C16orf46: variants seen among roughly 807,000 people sequenced by gnomAD.
The protein encoded by C16orf46 is chromosome 16 open reading frame 46.
Under a neutral mutation model 5.5 loss-of-function variants are expected in C16orf46, and 7 were observed. The observed-to-expected ratio is 1.28, with a 90% CI of 0.73 to 2.40. C16orf46 has a LOEUF of 2.40. C16orf46 is among the 30% of genes most tolerant of loss of function. C16orf46 has a pLI of 0.00. For synonymous variants in C16orf46, 200 were observed against 184.1 expected, an observed-to-expected ratio of 1.09 and a Z score of -0.70; for missense variants, 614 against 476.0, an observed-to-expected ratio of 1.29 and a Z score of -2.70.
chr16:81,063,268 A>C (rs865846911), intron 3 of C16orf46, among the ~76,000 whole-genome samples: 30 of 143,520 alleles, frequency 2.1e-4, no homozygotes, highest in Non-Finnish European at 2.8e-4. Context: ...AAAAAAAAAA[A>C]CCCACAGAGT....
intron 2 of C16orf46, 51 bp from the exon 3 acceptor site, chr16:81,064,044 A>T: frequency 9.7e-7 from 1 of 1,027,004 alleles, no homozygotes; most frequent in Non-Finnish European, 1.4e-6. Flanking sequence ...TTTTTTTTTA[A>T]AAAAAGCAAT....
At chr16:81,070,408 C>G (rs986428188) in intron 1 of C16orf46, among the ~76,000 whole-genome samples, 2 of 152,114 alleles carry the variant, frequency 1.3e-5, no homozygotes, top group Non-Finnish European at 2.9e-5. Context: ...CATAAAGCTA[C>G]AGTAATCAAA....
downstream of C16orf46, among the ~76,000 whole-genome samples, chr16:81,058,402 C>A (rs1971366998): frequency 6.6e-6 from 1 of 152,154 alleles, no homozygotes; most frequent in Admixed American, 6.5e-5. Flanking sequence ...TCCGTATGCA[C>A]AAATTCAGTA....
downstream of C16orf46, among the ~76,000 whole-genome samples, chr16:81,059,184 G>C (rs1247996187): frequency 2.6e-5 from 4 of 151,856 alleles, no homozygotes; most frequent in African/African-American, 9.7e-5. Context: ...AGCTGAGTGT[G>C]GTGGTGGGCA....
intron 3 of C16orf46, among the ~76,000 whole-genome samples, chr16:81,062,944 T>A (rs1971537378): frequency 6.6e-6 from 1 of 150,418 alleles, no homozygotes. Context: ...TTCTATGAAT[T>A]GTTTAAGAGT....
chr16:81,062,167 C>T (rs760042318), intron 3 of C16orf46, 29 bp from the exon 4 acceptor site: 2 of 1,525,582 alleles, frequency 1.3e-6, no homozygotes, highest in Admixed American at 2.0e-5. Flanking sequence ...GTTACTCCTC[C>T]AGCTGAGGGG....
chr16:81,054,851 T>C (rs1310482480), intron 3 of C16orf46, among the ~76,000 whole-genome samples: 1 of 152,010 alleles, frequency 6.6e-6, no homozygotes, highest in Non-Finnish European at 1.5e-5. Context: ...TTTTGCCATG[T>C]TGGCCAGGCT....
chr16:81,062,051 T>C lies in C16orf46; in HGVS notation c.298A>G (p.Ser100Gly). The change falls in exon 4 of 4, where the codon AGC becomes GGC. Residue 100 changes from serine to glycine, a missense_variant. By Grantham distance (56) the Ser-to-Gly change is moderately conservative. Coordinates refer to ENST00000299578, the MANE Select transcript of C16orf46 (RefSeq NM_152337.3). ...AGGTTAACACACACCAAGCAGTCGC[T>C]GCAGGCACCTTCCCCTACCCTCGCC... Reference protein sequence around the residue: ...KKARVGEGACSDCLVCVNLSH... With the variant: ...KKARVGEGACGDCLVCVNLSH... The C allele has an allele frequency of 6.2e-7, 1 of 1,613,260 alleles. No individual in the cohort carries two copies. The highest frequency in any genetic ancestry group is 8.5e-7 in the Non-Finnish European group (1 of 1,180,008).
downstream of C16orf46, chr16:81,060,931 C>T (rs943383072): frequency 1.3e-5 from 16 of 1,278,366 alleles, no homozygotes; most frequent in Admixed American, 6.9e-5. Flanking sequence ...AGCAGAAGCA[C>T]GTTAACACAT....
chr16:81,057,484 G>A (rs1311358090), downstream of C16orf46, among the ~76,000 whole-genome samples: 1 of 145,554 alleles, frequency 6.9e-6, no homozygotes, highest in Non-Finnish European at 1.5e-5. Flanking sequence ...GGGAGGCAGA[G>A]TTTGTAGTGA....
In C16orf46 at chr16:81,064,080, A is replaced by G. The variant is rs1971574960; in HGVS notation, c.-38-87T>C. 3 of 720,432 alleles carry G rather than the reference A, an allele frequency of 4.2e-6. No homozygotes were observed. The South Asian group carries it at 6.0e-5, about 14-fold the overall frequency. 44.6% of individuals were successfully genotyped at this position (720,432 alleles called of 1,614,324 possible). ...GCAATACTCAGGTGAAATATCTTCAAGACACATTCAGGAATATGGCCGGCC... is the reference window on the plus strand; with the variant it reads ...GCAATACTCAGGTGAAATATCTTCAGGACACATTCAGGAATATGGCCGGCC... On this transcript the variant is annotated intron_variant, in intron 2 of 3. Transcript: ENST00000299578.
intron 1 of C16orf46, among the ~76,000 whole-genome samples, chr16:81,072,854 A>C (rs1013547165): frequency 5.9e-5 from 9 of 152,074 alleles, no homozygotes; most frequent in African/African-American, 2.2e-4. Context: ...GGCGTGCGCC[A>C]CCATGCCTGG....
At chr16:81,058,359 G>A (rs921760067), downstream of C16orf46, among the ~76,000 whole-genome samples, 4 of 152,192 alleles carry the variant, frequency 2.6e-5, no homozygotes, top group African/African-American at 9.7e-5. Flanking sequence ...TGATCTAGGA[G>A]ATTGAACTTG....
At chr16:81,076,049 C>T (rs1008008104) in intron 1 of C16orf46, among the ~76,000 whole-genome samples, 1 of 152,168 alleles carries the variant, frequency 6.6e-6, no homozygotes, top group Admixed American at 6.5e-5. Context: ...TTCTGGCAGC[C>T]TCATTTGGAA....
chr16:81,062,307 C>G (rs1306202856), intron 3 of C16orf46, among the ~76,000 whole-genome samples, 169 bp from the exon 4 acceptor site: 1 of 151,620 alleles, frequency 6.6e-6, no homozygotes, highest in African/African-American at 2.4e-5. Flanking sequence ...AATTCATTCA[C>G]TTAAAAAAAA....
chr16:81,068,056 G>A (rs889803500), intron 1 of C16orf46, among the ~76,000 whole-genome samples: 1 of 152,204 alleles, frequency 6.6e-6, no homozygotes, highest in Non-Finnish European at 1.5e-5. Context: ...AGGAACAGGT[G>A]TAAATGCAGA....
intron 1 of C16orf46, among the ~76,000 whole-genome samples, chr16:81,076,266 G>A (rs188854594): frequency 2.0e-5 from 3 of 152,234 alleles, no homozygotes; most frequent in Non-Finnish European, 4.4e-5. Context: ...AAATGAGTTG[G>A]GAGTCGCATT....
Position 81,055,553 on chromosome 16 carries a change from G to A in C16orf46, c.1144-1459C>T, listed in dbSNP as rs1006148116. 6 of 151,970 alleles carry A rather than the reference G, an allele frequency of 3.9e-5. No individual in the cohort carries two copies. The South Asian group carries it at 1.2e-3, about 32-fold the overall frequency. The allele number at this position is 151,970 out of a possible 1,614,324, so 9.4% of individuals were successfully genotyped here. On this transcript the variant is annotated intron_variant, in intron 3 of 3. Coordinates refer to the C16orf46 transcript ENST00000378611. ...TCAAAAAAAAAAAAAAATTAGCTGAGCATGGTGGTGTGTGCCTGTACAGCC... is the reference window on the plus strand; with the variant it reads ...TCAAAAAAAAAAAAAAATTAGCTGAACATGGTGGTGTGTGCCTGTACAGCC...
intron 1 of C16orf46, among the ~76,000 whole-genome samples, chr16:81,070,859 A>G (rs528373202): frequency 5.9e-5 from 9 of 152,246 alleles, no homozygotes; most frequent in Non-Finnish European, 1.2e-4. Context: ...TCACTTCTAT[A>G]TAATAACTTA....
Sources: gnomAD v4.1 joint callset for allele counts (sites outside exome capture counted in the v4.1 genomes callset) on GRCh38, gnomAD v4.1.1 for gene constraint, MANE v1.5 for transcripts, NCBI Gene and HGNC (gene_info 2026-07-23, HGNC 2026-07-21) for gene names.